Variants in TMEM132B observed in about 807,000 individuals in gnomAD.
TMEM132B encodes the protein transmembrane protein 132B.
TMEM132B carries 18 observed loss-of-function variants against 90.8 expected under a neutral mutation model. That is an observed-to-expected ratio of 0.20 (90% confidence interval 0.14 to 0.29). TMEM132B has a LOEUF of 0.29. Ranked by LOEUF, TMEM132B falls within the 10% of genes least tolerant of loss-of-function variation. The pLI, the probability that TMEM132B is intolerant of heterozygous loss-of-function variation, is 1.00. For missense variants in TMEM132B, 1,096 were observed against 1,326.8 expected, an observed-to-expected ratio of 0.83 and a Z score of 2.70; for synonymous variants, 504 against 523.3, an observed-to-expected ratio of 0.96 and a Z score of 0.50.
At chr12:125,281,080 G>T (rs2166873) in intron 1 of TMEM132B, among the ~76,000 whole-genome samples, 47,513 of 152,056 alleles carry the variant, frequency 0.31, 7,758 homozygotes, top group East Asian at 0.48. Context: ...GGTGGAGAGG[G>T]GTGAGAAAGG....
Position 125,588,582 on chromosome 12 carries a change from C to T in TMEM132B, c.1437+4588C>T, listed in dbSNP as rs369445875. Reference sequence around the variant, plus strand: ...GACTCAAGTGATCTGCCTGCCTCAGCCTCCCAAAGTGCTGAGATTACAGGC... The same window carrying T: ...GACTCAAGTGATCTGCCTGCCTCAGTCTCCCAAAGTGCTGAGATTACAGGC... On this transcript the variant is annotated intron_variant, in intron 5 of 8. Coordinates refer to ENST00000682704, the MANE Select transcript of TMEM132B (RefSeq NM_001366854.1). Among the ~76,000 whole-genome samples, 5 of 152,310 alleles carry T rather than the reference C, an allele frequency of 3.3e-5. No homozygotes were observed. The East Asian group carries it at 9.6e-4, about 29-fold the overall frequency.
intron 3 of TMEM132B, among the ~76,000 whole-genome samples, chr12:125,427,011 G>C (rs1880337064): frequency 6.6e-6 from 1 of 152,238 alleles, no homozygotes; most frequent in South Asian, 2.1e-4. Flanking sequence ...GAGTTTAAAA[G>C]TGTTTAGAAA....
At chr12:125,493,258 G>C (rs1882404253) in intron 3 of TMEM132B, among the ~76,000 whole-genome samples, 1 of 152,132 alleles carries the variant, frequency 6.6e-6, no homozygotes, top group Non-Finnish European at 1.5e-5. Flanking sequence ...AAACATCTAG[G>C]GGAAGACATC....
chr12:125,563,279 C>T (rs1834686868), intron 4 of TMEM132B, among the ~76,000 whole-genome samples: 2 of 151,974 alleles, frequency 1.3e-5, no homozygotes, highest in Admixed American at 6.6e-5. Flanking sequence ...TAGACTTGCT[C>T]GATGAAGAGT....
intron 2 of TMEM132B, among the ~76,000 whole-genome samples, chr12:125,394,704 CT>C (rs1393968878): frequency 2.6e-5 from 4 of 152,154 alleles, no homozygotes. Context: ...GAATCTGGGA[CT>C]TGGAAGAAAG....
intron 4 of TMEM132B, among the ~76,000 whole-genome samples, chr12:125,571,633 T>A (rs1223426786): frequency 6.6e-6 from 1 of 152,226 alleles, no homozygotes; most frequent in Non-Finnish European, 1.5e-5. Flanking sequence ...TGGTTATATC[T>A]TTGAGTCTGA....
chr12:125,269,745 C>T (rs574666266), intron 1 of TMEM132B, among the ~76,000 whole-genome samples: 2 of 152,228 alleles, frequency 1.3e-5, no homozygotes, highest in Admixed American at 1.3e-4. Flanking sequence ...ACGGTTTAAG[C>T]AAGACGGAAG....
At chr12:125,437,010 T>G (rs541060623) in intron 3 of TMEM132B, among the ~76,000 whole-genome samples, 1 of 152,324 alleles carries the variant, frequency 6.6e-6, no homozygotes, top group Non-Finnish European at 1.5e-5. Context: ...TCTATAATTC[T>G]GATGGATGCA....
intron 2 of TMEM132B, among the ~76,000 whole-genome samples, chr12:125,379,828 G>A (rs756668145): frequency 6.6e-6 from 1 of 152,200 alleles, no homozygotes; most frequent in Non-Finnish European, 1.5e-5. Flanking sequence ...CATCATGAAT[G>A]AAGCAAGGAC....
chr12:125,586,358 AT>A (rs534962282), intron 5 of TMEM132B: 111 of 152,320 alleles, frequency 7.3e-4, no homozygotes, highest in African/African-American at 2.6e-3. Flanking sequence ...GACATACATG[AT>A]TTTGAAAAGC....
chr12:125,409,895 TGAGTG>T lies in TMEM132B; in HGVS notation c.960-5615_960-5611del, dbSNP rs1219436678. ...GTGGAGTGAGTGGAGTGGAGTGGAG[TGAGTG>T]GAGTGGAGTGGAGTGGAGTGAGTGA... On this transcript the variant is annotated intron_variant, in intron 2 of 8. Coordinates refer to ENST00000682704, the MANE Select transcript of TMEM132B (RefSeq NM_001366854.1). Among the ~76,000 whole-genome samples, 6 of 3,442 alleles carry T rather than the reference TGAGTG, an allele frequency of 1.7e-3. 1 individual carries two copies. Among genetic ancestry groups the T allele is most frequent in the Middle Eastern group, 0.2 (2 of 10 alleles). 2.3% of individuals were successfully genotyped at this position (3,442 alleles called of 152,430 possible).
At chr12:125,604,502 G>T (rs1885644746) in intron 5 of TMEM132B, among the ~76,000 whole-genome samples, 1 of 152,120 alleles carries the variant, frequency 6.6e-6, no homozygotes, top group Admixed American at 6.5e-5. Flanking sequence ...TGCATGCAGG[G>T]CTTAAAACCT....
chr12:125,431,874 C>T (rs925444146), intron 3 of TMEM132B, among the ~76,000 whole-genome samples: 1 of 152,166 alleles, frequency 6.6e-6, no homozygotes, highest in African/African-American at 2.4e-5. Flanking sequence ...TTAGGGCTTG[C>T]AGTCTGAAGC....
At chr12:125,467,849 T>A (rs1462304063) in intron 3 of TMEM132B, among the ~76,000 whole-genome samples, 1 of 152,250 alleles carries the variant, frequency 6.6e-6, no homozygotes, top group Non-Finnish European at 1.5e-5. Context: ...TAAATGGAAT[T>A]ATAAGCTGTG....
chr12:125,546,451 G>A (rs1192838084), intron 4 of TMEM132B, among the ~76,000 whole-genome samples: 1 of 152,144 alleles, frequency 6.6e-6, no homozygotes, highest in Non-Finnish European at 1.5e-5. Context: ...CAAAGTGCTG[G>A]GATTACAGGC....
At chr12:125,270,785 T>TGGGGGGGGG (rs1874818056) in intron 1 of TMEM132B, among the ~76,000 whole-genome samples, 1 of 60,266 alleles carries the variant, frequency 1.7e-5, no homozygotes, top group African/African-American at 6.9e-5. Flanking sequence ...TCTGTGGGGG[T>TGGGGGGGGG]TGGGGGGGCG....
At chr12:125,190,029 T>C (rs1007129272) in intron 1 of TMEM132B, among the ~76,000 whole-genome samples, 2 of 152,160 alleles carry the variant, frequency 1.3e-5, no homozygotes, top group Non-Finnish European at 2.9e-5. Flanking sequence ...TGCTGCCAAC[T>C]CTTCAGCAGA....
chr12:125,326,519 C>G, intron 1 of TMEM132B: 1 of 1,320,400 alleles, frequency 7.6e-7, no homozygotes, highest in South Asian at 1.3e-5. Flanking sequence ...TAGTAAACAT[C>G]GGCTTAATGC....
intron 1 of TMEM132B, among the ~76,000 whole-genome samples, chr12:125,292,664 C>A (rs1411065211): frequency 6.6e-6 from 1 of 152,242 alleles, no homozygotes; most frequent in African/African-American, 2.4e-5. Flanking sequence ...CCATTCCTTG[C>A]CTGTTTCCAG....
Sources: allele counts gnomAD v4.1 joint callset (sites outside exome capture counted in the v4.1 genomes callset), GRCh38; gene constraint gnomAD v4.1.1; transcripts MANE v1.5; gene names NCBI Gene and HGNC (gene_info 2026-07-23, HGNC 2026-07-21).